CHST11: variants seen among roughly 807,000 people sequenced by gnomAD.
CHST11 encodes the protein C4S-1.
In CHST11, 9 loss-of-function variants were observed where a neutral mutation model predicts 30.4. The observed-to-expected ratio is 0.30, with a 90% CI of 0.18 to 0.52. The LOEUF is 0.52. Among genes scored for constraint, CHST11 ranks in the 20% least tolerant of loss-of-function variants. The pLI, the probability that CHST11 is intolerant of heterozygous loss-of-function variation, is 0.97. For synonymous variants in CHST11, 152 were observed against 187.8 expected (o/e 0.81, Z 1.56); for missense variants, 348 against 460.6 (o/e 0.76, Z 2.24).
At chr12:104,753,077 C>A (rs1207179358) in intron 2 of CHST11, among the ~76,000 whole-genome samples, 1 of 152,242 alleles carries the variant, frequency 6.6e-6, no homozygotes, top group African/African-American at 2.4e-5. Context: ...GAGTCACACA[C>A]TCTGGCTCAA....
At position 104,503,067 on chromosome 12, in the gene CHST11, G is replaced by A. The variant is rs1442161702; in HGVS notation, c.118+45538G>A. 6.6e-5 allele frequency among the ~76,000 whole-genome samples: 10 copies of A among 152,230 alleles called. No homozygotes were observed. The East Asian group carries it at 1.7e-3, about 26-fold the overall frequency. ...CATAATATTTAGGTTAGAGAGTAAT[G>A]TATAGATGCAGGTAATATGATTAAA... On this transcript the variant is annotated intron_variant, in intron 1 of 2. Transcript: ENST00000303694.
intron 1 of CHST11, among the ~76,000 whole-genome samples, chr12:104,518,962 CT>C (rs890259621): frequency 1.5e-5 from 2 of 129,758 alleles, no homozygotes; most frequent in Non-Finnish European, 3.1e-5. Context: ...TTTTCTTTTT[CT>C]TTTTTTCTTT....
intron 2 of CHST11, among the ~76,000 whole-genome samples, chr12:104,694,920 C>A (rs180876971): frequency 1.3e-5 from 2 of 152,296 alleles, no homozygotes; most frequent in East Asian, 3.9e-4. Context: ...CTGGGCCCCA[C>A]AGAAGTCAGT....
chr12:104,755,493 G>C (rs1220614700), intron 2 of CHST11, among the ~76,000 whole-genome samples: 1 of 152,066 alleles, frequency 6.6e-6, no homozygotes, highest in African/African-American at 2.4e-5. Context: ...ATGAAGAATT[G>C]TCAAGTTTGG....
chr12:104,650,579 C>T (rs1365935901), intron 2 of CHST11, among the ~76,000 whole-genome samples: 4 of 150,904 alleles, frequency 2.7e-5, no homozygotes, highest in South Asian at 4.2e-4. Context: ...GGGCACAGTG[C>T]GAGGGGGAGT....
intron 1 of CHST11, among the ~76,000 whole-genome samples, chr12:104,562,431 A>G (rs2038523045): frequency 6.6e-6 from 1 of 152,182 alleles, no homozygotes; most frequent in African/African-American, 2.4e-5. Flanking sequence ...TCTGGTAGGA[A>G]AAAGCGCAGA....
chr12:104,506,637 C>T (rs561573090), intron 1 of CHST11, among the ~76,000 whole-genome samples: 2 of 152,326 alleles, frequency 1.3e-5, no homozygotes, highest in African/African-American at 4.8e-5. Context: ...AAACCTAGTC[C>T]AGGTGCTAAA....
At chr12:104,746,963 G>A (rs2040392902) in intron 2 of CHST11, among the ~76,000 whole-genome samples, 1 of 152,168 alleles carries the variant, frequency 6.6e-6, no homozygotes, top group Admixed American at 6.5e-5. Flanking sequence ...TGAGGACCAG[G>A]AAGGTGAAAC....
chr12:104,696,408 G>A (rs990927042), intron 2 of CHST11, among the ~76,000 whole-genome samples: 20 of 150,494 alleles, frequency 1.3e-4, no homozygotes, highest in African/African-American at 4.7e-4. Flanking sequence ...AGGCTGAGGC[G>A]GGCGGATTAC....
intron 2 of CHST11, among the ~76,000 whole-genome samples, chr12:104,682,898 A>C (rs754902889): frequency 6.6e-6 from 1 of 152,222 alleles, no homozygotes; most frequent in Non-Finnish European, 1.5e-5. Context: ...GCCACCGATC[A>C]CCAAGTACCA....
In CHST11 at chr12:104,491,599, G is replaced by GCT. The variant is rs543985690; in HGVS notation, c.118+34071_118+34072dup. ...TCCTCCTGCCTCTGCTTCCCTAGTA[G>GCT]CTAGGACTACAGGTTTGTGCCACCA... On this transcript the variant is annotated intron_variant, in intron 1 of 2. Transcript: ENST00000303694. Among the ~76,000 whole-genome samples the GCT allele has an allele frequency of 9.7e-4, 147 of 151,940 alleles. 1 individual carries two copies. The highest frequency in any genetic ancestry group is 3.4e-3 in the African/African-American group (140 of 41,432).
intron 1 of CHST11, among the ~76,000 whole-genome samples, chr12:104,498,110 G>A (rs941913252): frequency 1.3e-5 from 2 of 151,784 alleles, no homozygotes; most frequent in Non-Finnish European, 2.9e-5. Flanking sequence ...AGTAGAGATG[G>A]GGTTTTGCCG....
intron 1 of CHST11, among the ~76,000 whole-genome samples, chr12:104,539,553 A>G (rs1216164230): frequency 1.3e-5 from 2 of 152,166 alleles, no homozygotes; most frequent in Non-Finnish European, 2.9e-5. Flanking sequence ...ACATGCTTGT[A>G]AGAAAGATGG....
chr12:104,721,591 TAGAG>T (rs2040177415), intron 2 of CHST11, among the ~76,000 whole-genome samples: 1 of 152,172 alleles, frequency 6.6e-6, no homozygotes, highest in Non-Finnish European at 1.5e-5. Flanking sequence ...CTGCGCCTGA[TAGAG>T]AATGAGTGCT....
In CHST11 at chr12:104,705,184, T is replaced by C. The variant is rs914962846; in HGVS notation, c.205-51765T>C. Among the ~76,000 whole-genome samples, 13 of 152,266 alleles carry C rather than the reference T, an allele frequency of 8.5e-5. No homozygotes were observed. In the South Asian group the frequency reaches 2.5e-3, roughly 29 times the overall value. On this transcript the variant is annotated intron_variant, in intron 2 of 2. Coordinates refer to ENST00000303694, the MANE Select transcript of CHST11 (RefSeq NM_018413.6). ...GAGCCTGCTTTTGGGAAGATCTTGG[T>C]GTGGGTCACCTGGTGTATACAGTGT...
intron 1 of CHST11, among the ~76,000 whole-genome samples, chr12:104,574,483 G>A (rs964370909): frequency 2.0e-5 from 3 of 152,156 alleles, no homozygotes; most frequent in Admixed American, 6.5e-5. Context: ...TGATAGACTG[G>A]ATTAAGAAAA....
chr12:104,607,767 G>C (rs971839875), intron 2 of CHST11, among the ~76,000 whole-genome samples: 1 of 152,142 alleles, frequency 6.6e-6, no homozygotes, highest in Admixed American at 6.5e-5. Context: ...ATGTGGATCA[G>C]GTCATGTCTG....
rs780005312 is a variant in CHST11 at position 104,757,472 on chromosome 12, A to C, written c.728A>C (p.Tyr243Ser). Residue 243 changes from tyrosine (Y) to serine (S), a missense_variant, in exon 3 of 3, where the codon TAT (tyrosine) becomes TCT (serine). By Grantham distance (144) the Tyr-to-Ser change is moderately radical. Coordinates refer to ENST00000303694, the MANE Select transcript of CHST11 (RefSeq NM_018413.6). This position sits in a 1 kb window ranked among gnomAD's most constrained non-coding sequence, Gnocchi z 6.5. ...DDVKFEEFVA[Y>S]LIDPHTQREE... ...GTCAAATTCGAGGAGTTTGTGGCCTATCTCATCGACCCACACACCCAGCGG... is the reference window on the plus strand; with the variant it reads ...GTCAAATTCGAGGAGTTTGTGGCCTCTCTCATCGACCCACACACCCAGCGG... The C allele has an allele frequency of 6.2e-7, 1 of 1,614,064 alleles. No homozygotes were observed. Among genetic ancestry groups the C allele is most frequent in the Non-Finnish European group, 8.5e-7 (1 of 1,180,024 alleles).
At chr12:104,649,468 C>T (rs1004693557) in intron 2 of CHST11, among the ~76,000 whole-genome samples, 1 of 152,124 alleles carries the variant, frequency 6.6e-6, no homozygotes, top group Non-Finnish European at 1.5e-5. Context: ...TGGAAAGGCT[C>T]AGTATCTGCC....
Sources: gnomAD v4.1 joint callset for allele counts (sites outside exome capture counted in the v4.1 genomes callset) on GRCh38, gnomAD v4.1.1 for gene constraint, Gnocchi (gnomAD v3.1) non-coding constraint, MANE v1.5 for transcripts, NCBI Gene and HGNC (gene_info 2026-07-23, HGNC 2026-07-21) for gene names.